Variants in TENM2 observed in about 807,000 individuals in gnomAD.
TENM2 encodes teneurin transmembrane protein 2, also known as teneurin-2.
Under a neutral mutation model 245.2 loss-of-function variants are expected in TENM2, and 52 were observed. That is an observed-to-expected ratio of 0.21 (90% CI 0.17 to 0.27). The LOEUF is 0.27. Among genes scored for constraint, TENM2 ranks in the 10% least tolerant of loss-of-function variants. The probability of loss-of-function intolerance (pLI) is 1.00; values close to 1 mark genes in which losing one functional copy is unlikely to be tolerated. For missense variants in TENM2, 3,046 were observed against 3,666.8 expected, an observed-to-expected ratio of 0.83 and a Z score of 4.37; for synonymous variants, 1,363 against 1,438.9, an observed-to-expected ratio of 0.95 and a Z score of 1.19.
chr5:167,658,254 G>T (rs574453646), intron 2 of TENM2, among the ~76,000 whole-genome samples: 41 of 151,216 alleles, frequency 2.7e-4, no homozygotes, highest in Non-Finnish European at 4.7e-4. Flanking sequence ...TTGTCGCCCA[G>T]GCTGGAGTGT....
the TENM2 span, among the ~76,000 whole-genome samples, chr5:167,153,092 A>AATT: frequency 1.2e-4 from 17 of 141,822 alleles, no homozygotes; most frequent in South Asian, 3.6e-3. Context: ...ACAATCAATG[A>AATT]ATACATACAC....
intron 2 of TENM2, among the ~76,000 whole-genome samples, chr5:167,867,151 T>G (rs1185851463): frequency 2.0e-5 from 3 of 152,204 alleles, no homozygotes; most frequent in South Asian, 2.1e-4. Context: ...GGTGTGTCAC[T>G]GCAGGTAAGG....
intron 1 of TENM2, among the ~76,000 whole-genome samples, chr5:167,313,533 C>T (rs533335740): frequency 7.6e-4 from 115 of 152,096 alleles, no homozygotes; most frequent in African/African-American, 2.6e-3. Context: ...GCTACTCAGG[C>T]GGCTGAGGCA....
chr5:167,933,156 G>A (rs1187372818), intron 3 of TENM2, among the ~76,000 whole-genome samples: 1 of 152,216 alleles, frequency 6.6e-6, no homozygotes, highest in Admixed American at 6.5e-5. Flanking sequence ...CCCAAGTAAA[G>A]AAATTAGTTT....
At chr5:167,498,802 C>T (rs538209745) in intron 2 of TENM2, among the ~76,000 whole-genome samples, 26 of 152,222 alleles carry the variant, frequency 1.7e-4, no homozygotes, top group African/African-American at 6.3e-4. Flanking sequence ...TGTCTCACCA[C>T]TTTCCTCTTT....
intron 2 of TENM2, among the ~76,000 whole-genome samples, chr5:167,543,763 T>A (rs955126914): frequency 1.3e-5 from 2 of 152,160 alleles, no homozygotes; most frequent in Non-Finnish European, 1.5e-5. Context: ...GGTGATTTGC[T>A]AGCAATTCTT....
the TENM2 span, among the ~76,000 whole-genome samples, chr5:167,279,673 A>G: frequency 6.6e-6 from 1 of 151,898 alleles, no homozygotes; most frequent in Admixed American, 6.6e-5. Flanking sequence ...TCTACCATCT[A>G]TCAAGAGTTT....
intron 2 of TENM2, among the ~76,000 whole-genome samples, chr5:167,839,188 T>A (rs1769263948): frequency 6.6e-6 from 1 of 152,220 alleles, no homozygotes; most frequent in Non-Finnish European, 1.5e-5. Flanking sequence ...GACACCCACA[T>A]TCCCAGTTGA....
At chr5:167,824,311 G>A (rs1767781288) in intron 2 of TENM2, among the ~76,000 whole-genome samples, 1 of 152,122 alleles carries the variant, frequency 6.6e-6, no homozygotes, top group South Asian at 2.1e-4. Flanking sequence ...CTAGTGTCAT[G>A]TAGAAGATCT....
intron 2 of TENM2, among the ~76,000 whole-genome samples, chr5:167,850,808 G>A (rs1360880825): frequency 6.6e-6 from 1 of 152,146 alleles, no homozygotes; most frequent in Non-Finnish European, 1.5e-5. Context: ...CCAAGGGCTG[G>A]CTTCATTTTT....
chr5:167,664,974 C>A (rs2150334631), intron 2 of TENM2, among the ~76,000 whole-genome samples: 1 of 152,288 alleles, frequency 6.6e-6, no homozygotes, highest in South Asian at 2.1e-4. Flanking sequence ...CTAAATAACC[C>A]TGAAGTCCTT....
intron 4 of TENM2, among the ~76,000 whole-genome samples, chr5:167,980,760 A>C (rs1202030185): frequency 6.6e-6 from 1 of 152,210 alleles, no homozygotes; most frequent in Non-Finnish European, 1.5e-5. Flanking sequence ...TGTGTGCAGC[A>C]GGCCAGGCGC....
At chr5:168,003,511 C>T (rs948599814) in intron 5 of TENM2, among the ~76,000 whole-genome samples, 1 of 152,010 alleles carries the variant, frequency 6.6e-6, no homozygotes, top group Non-Finnish European at 1.5e-5. Flanking sequence ...AAATGCCATA[C>T]ATCAATTGGG....
chr5:168,227,336 G>T (rs932810462), intron 24 of TENM2, among the ~76,000 whole-genome samples: 1 of 152,108 alleles, frequency 6.6e-6, no homozygotes, highest in Admixed American at 6.6e-5. Context: ...CTTGAGTGGG[G>T]GTGGTATCAG....
chr5:168,238,214 G>GAAAA lies in TENM2; in HGVS notation c.5521-6206_5521-6205insAAAA, dbSNP rs1765711396. ...GGGAGGGAGGGAGGGAGGGAGGGAGGGAGAGAGAAGAAAAGAAAAGAAAAG... is the reference window on the plus strand; with the variant it reads ...GGGAGGGAGGGAGGGAGGGAGGGAGGAAAAGAGAGAGAAGAAAAGAAAAGAAAAG... On this transcript the variant is annotated intron_variant, in intron 25 of 28. Transcript: ENST00000518659. 3.2e-4 allele frequency among the ~76,000 whole-genome samples: 15 copies of GAAAA among 46,960 alleles called. 3 individuals carry two copies. Among genetic ancestry groups the GAAAA allele is most frequent in the African/African-American group, 2.4e-3 (14 of 5,832 alleles). 30.8% of individuals were successfully genotyped at this position (46,960 alleles called of 152,430 possible). A position where few individuals can be genotyped will look rare whatever the true frequency, so the allele number is the denominator to read the frequency against.
chr5:168,036,265 G>A (rs1388963424), intron 5 of TENM2, among the ~76,000 whole-genome samples: 1 of 152,224 alleles, frequency 6.6e-6, no homozygotes, highest in Non-Finnish European at 1.5e-5. Context: ...CTGCAGTGCT[G>A]TTGCCGGTTG....
chr5:167,199,471 T>C, the TENM2 span, among the ~76,000 whole-genome samples: 1 of 152,250 alleles, frequency 6.6e-6, no homozygotes, highest in South Asian at 2.1e-4. Context: ...CTTCAGAGGC[T>C]TTTTAATTCC....
At chr5:167,311,436 C>T (rs1383391046) in intron 1 of TENM2, among the ~76,000 whole-genome samples, 3 of 152,158 alleles carry the variant, frequency 2.0e-5, no homozygotes, top group African/African-American at 7.2e-5. Context: ...ATTATATGTG[C>T]TATTTATATA....
rs540072530 is a variant in TENM2 at position 168,247,536 on chromosome 5, G to A, written c.6597G>A (p.Thr2199=). 83 of 1,613,052 alleles carry A rather than the reference G, an allele frequency of 5.1e-5. No homozygotes were observed. The South Asian group carries it at 6.0e-4, about 12-fold the overall frequency. ...AACTGGGGCCCTATGCCAATACCAC[G>A]AAGTACACCTATGACTACGATGGGG... The change falls in exon 27 of 29, where the codon ACG becomes ACA. Residue 2199 remains threonine (T), a synonymous_variant. Coordinates refer to ENST00000518659, the Ensembl canonical transcript of TENM2. The surrounding 1 kb of genome is among the most constrained non-coding windows in gnomAD (Gnocchi z 7.8).
Sources: gnomAD v4.1 joint callset for allele counts (sites outside exome capture counted in the v4.1 genomes callset) on GRCh38, gnomAD v4.1.1 for gene constraint, Gnocchi (gnomAD v3.1) non-coding constraint, MANE v1.5 for transcripts, NCBI Gene and HGNC (gene_info 2026-07-23, HGNC 2026-07-21) for gene names.